ADCY2: variants seen among roughly 807,000 people sequenced by gnomAD.
The protein encoded by ADCY2 is adenylate cyclase 2.
A neutral mutation model predicts 125.2 loss-of-function variants in ADCY2; 31 were observed. The ratio of observed to expected loss-of-function variants is 0.25; its 90% CI spans 0.19 to 0.33. The LOEUF (loss-of-function observed/expected upper bound fraction) is 0.33, where lower values mean the gene tolerates loss of function less well. Ranked by LOEUF, ADCY2 falls within the 10% of genes least tolerant of loss-of-function variation. The pLI is 1.00. For missense variants in ADCY2, 904 were observed against 1,418.2 expected (o/e 0.64, Z 5.82); for synonymous variants, 512 against 548.4 (o/e 0.93, Z 0.93).
intron 2 of ADCY2, among the ~76,000 whole-genome samples, chr5:7,471,334 TCCTGTCTG>T (rs1306372114): frequency 2.0e-5 from 3 of 151,938 alleles, no homozygotes; most frequent in Non-Finnish European, 4.4e-5. Context: ...CATTTAAAAG[TCCTGTCTG>T]CCTGTTTCTT....
At chr5:7,585,511 T>C (rs919570369) in intron 3 of ADCY2, among the ~76,000 whole-genome samples, 3 of 152,222 alleles carry the variant, frequency 2.0e-5, no homozygotes, top group Non-Finnish European at 4.4e-5. Flanking sequence ...TATCATCAAC[T>C]GGAATGAATG....
intron 3 of ADCY2, among the ~76,000 whole-genome samples, chr5:7,585,495 C>G (rs1312491670): frequency 6.6e-6 from 1 of 152,170 alleles, no homozygotes; most frequent in Non-Finnish European, 1.5e-5. Flanking sequence ...TTAAATGCTC[C>G]TGGAATATCA....
Position 7,768,688 on chromosome 5 carries a change from A to G in ADCY2, c.2214+1882A>G, listed in dbSNP as rs532646869. On this transcript the variant is annotated intron_variant, in intron 17 of 24. Coordinates refer to ENST00000338316, the MANE Select transcript of ADCY2 (RefSeq NM_020546.3). Reference sequence around the variant, plus strand: ...ATCTTATTTGCAATCAAAGAAAATTATTAAAAACTTAAAGTGGGGAAAGGC... The same window carrying G: ...ATCTTATTTGCAATCAAAGAAAATTGTTAAAAACTTAAAGTGGGGAAAGGC... Among the ~76,000 whole-genome samples the G allele has an allele frequency of 5.9e-5, 9 of 152,362 alleles. No individual in the cohort carries two copies. In the East Asian group the frequency reaches 1.7e-3, roughly 29 times the overall value.
chr5:7,805,186 G>A (rs928951950), intron 22 of ADCY2, among the ~76,000 whole-genome samples: 1 of 151,940 alleles, frequency 6.6e-6, no homozygotes, highest in African/African-American at 2.4e-5. Context: ...GCCAGGTGTG[G>A]TAGCATGCAC....
At chr5:7,653,897 G>C (rs1418392558) in intron 4 of ADCY2, 1 of 280,544 alleles carries the variant, frequency 3.6e-6, no homozygotes, top group Non-Finnish European at 7.3e-6. Context: ...TACCACTCCT[G>C]GGGGAGGAGT....
intron 2 of ADCY2, among the ~76,000 whole-genome samples, chr5:7,439,529 T>TAC (rs66460653): frequency 0.17 from 25,243 of 148,578 alleles, 2,488 homozygotes; most frequent in East Asian, 0.46. Context: ...TGGGTTAAGA[T>TAC]ACACACACAC....
chr5:7,498,766 T>G (rs1743439722), intron 2 of ADCY2, among the ~76,000 whole-genome samples: 1 of 152,142 alleles, frequency 6.6e-6, no homozygotes, highest in South Asian at 2.1e-4. Context: ...ATTAGAAAAC[T>G]ACCTACATGT....
chr5:7,437,516 C>T (rs1374296069), intron 2 of ADCY2, among the ~76,000 whole-genome samples: 1 of 152,246 alleles, frequency 6.6e-6, no homozygotes, highest in African/African-American at 2.4e-5. Context: ...CACTTGTCCT[C>T]AGTTTCCTCA....
At chr5:7,447,287 T>G (rs542674675) in intron 2 of ADCY2, among the ~76,000 whole-genome samples, 13 of 152,310 alleles carry the variant, frequency 8.5e-5, no homozygotes, top group Non-Finnish European at 1.2e-4. Flanking sequence ...TGGACGGCCC[T>G]GCACACTGAG....
chr5:7,736,502 T>A (rs1235240257), intron 14 of ADCY2, among the ~76,000 whole-genome samples: 1 of 152,170 alleles, frequency 6.6e-6, no homozygotes, highest in Non-Finnish European at 1.5e-5. Context: ...CTTTATCAGC[T>A]CTTAATAGAT....
At chr5:7,755,949 G>A (rs967219598) in intron 15 of ADCY2, among the ~76,000 whole-genome samples, 11 of 152,198 alleles carry the variant, frequency 7.2e-5, no homozygotes, top group African/African-American at 2.7e-4. Context: ...CACCAGCTTT[G>A]TTTGCCAATA....
At chr5:7,677,687 C>A (rs1740179631) in intron 4 of ADCY2, among the ~76,000 whole-genome samples, 2 of 152,244 alleles carry the variant, frequency 1.3e-5, no homozygotes, top group Non-Finnish European at 2.9e-5. Context: ...CACCTTCCAG[C>A]CGAGCACAAT....
Position 7,547,393 on chromosome 5 carries a change from TAATG to T in ADCY2, c.570+26495_570+26498del, listed in dbSNP as rs1352015006. Among the ~76,000 whole-genome samples, 4 of 152,162 alleles carry T rather than the reference TAATG, an allele frequency of 2.6e-5. No homozygotes were observed. In the East Asian group the frequency reaches 7.7e-4, roughly 29 times the overall value. On this transcript the variant is annotated intron_variant, in intron 3 of 24. Transcript: ENST00000338316. ...CTGGGTGGCATGGGTGGAGAGGCCC[TAATG>T]CAGTCCAGGAGATCCTGAAAAGCTT...
At chr5:7,681,583 AC>A (rs1341351229) in intron 4 of ADCY2, among the ~76,000 whole-genome samples, 3 of 152,146 alleles carry the variant, frequency 2.0e-5, no homozygotes, top group Admixed American at 6.5e-5. Context: ...TCCCCAGTTG[AC>A]AATATTTTCA....
chr5:7,741,834 C>T (rs1294316150), intron 14 of ADCY2, among the ~76,000 whole-genome samples: 1 of 149,846 alleles, frequency 6.7e-6, no homozygotes, highest in Non-Finnish European at 1.5e-5. Context: ...TCATCACCAT[C>T]CTCATCATCG....
intron 3 of ADCY2, among the ~76,000 whole-genome samples, chr5:7,565,090 G>A (rs1182534035): frequency 6.6e-6 from 1 of 152,198 alleles, no homozygotes; most frequent in Non-Finnish European, 1.5e-5. Context: ...GCCACTCAGA[G>A]CCTGGAATAA....
chr5:7,746,731 G>A (rs887738066), intron 15 of ADCY2, among the ~76,000 whole-genome samples: 2 of 152,178 alleles, frequency 1.3e-5, no homozygotes, highest in Non-Finnish European at 2.9e-5. Flanking sequence ...TGAAAACTTC[G>A]ATGCCAAAGA....
At chr5:7,544,648 C>T (rs528472136) in intron 3 of ADCY2, among the ~76,000 whole-genome samples, 1 of 152,252 alleles carries the variant, frequency 6.6e-6, no homozygotes, top group African/African-American at 2.4e-5. Context: ...ATGTGAACAA[C>T]ATTGGAGGGG....
chr5:7,791,321 G>T (rs1295109832), intron 20 of ADCY2, among the ~76,000 whole-genome samples: 1 of 151,996 alleles, frequency 6.6e-6, no homozygotes, highest in Non-Finnish European at 1.5e-5. Context: ...AAGAGGTGGG[G>T]GTCACCTGTA....
Sources: gnomAD v4.1 joint callset for allele counts (sites outside exome capture counted in the v4.1 genomes callset) on GRCh38, gnomAD v4.1.1 for gene constraint, MANE v1.5 for transcripts, NCBI Gene and HGNC (gene_info 2026-07-23, HGNC 2026-07-21) for gene names.